The following COL28A1 variants were observed in gnomAD, a reference collection of about 807,000 sequenced individuals.
COL28A1 encodes the protein collagen type XXVIII alpha 1 chain.
COL28A1 carries 161 observed loss-of-function variants against 150.2 expected under a neutral mutation model. The observed-to-expected ratio is 1.07, with a 90% CI of 0.94 to 1.22. COL28A1 has a LOEUF of 1.22. COL28A1 is among the 50% of genes most tolerant of loss of function. The pLI, the probability that COL28A1 is intolerant of heterozygous loss-of-function variation, is 0.00. For missense variants in COL28A1, 1,617 were observed against 1,388.3 expected (o/e 1.16, Z -2.62); for synonymous variants, 552 against 469.7 (o/e 1.18, Z -2.26).
intron 27 of COL28A1, among the ~76,000 whole-genome samples, chr7:7,393,259 G>A (rs1782649413): frequency 6.6e-6 from 1 of 152,226 alleles, no homozygotes; most frequent in South Asian, 2.1e-4. Flanking sequence ...GTCCACTCCA[G>A]ACCCTGTTTG....
At chr7:7,508,768 C>T (rs1033913618) in intron 9 of COL28A1, among the ~76,000 whole-genome samples, 1 of 151,970 alleles carries the variant, frequency 6.6e-6, no homozygotes, top group Non-Finnish European at 1.5e-5. Flanking sequence ...CAGGTTCAAG[C>T]AATCCTCCCA....
chr7:7,363,816 G>A (rs1780796780), intron 33 of COL28A1, among the ~76,000 whole-genome samples: 1 of 151,828 alleles, frequency 6.6e-6, no homozygotes, highest in African/African-American at 2.4e-5. Flanking sequence ...TTATTTTGAA[G>A]ACAGAGTCTC....
chr7:7,457,324 G>T (rs533247689), intron 15 of COL28A1, among the ~76,000 whole-genome samples: 1 of 152,298 alleles, frequency 6.6e-6, no homozygotes, highest in South Asian at 2.1e-4. Flanking sequence ...AGTGGAGGTG[G>T]TGGGGAGTGC....
At chr7:7,525,871 G>T (rs982856994) in intron 3 of COL28A1, among the ~76,000 whole-genome samples, 2 of 152,112 alleles carry the variant, frequency 1.3e-5, no homozygotes, top group African/African-American at 4.8e-5. Context: ...AAAGGACAAA[G>T]TTTGACTACA....
intron 25 of COL28A1, among the ~76,000 whole-genome samples, chr7:7,421,906 C>G (rs924153394): frequency 1.3e-5 from 2 of 152,148 alleles, no homozygotes; most frequent in African/African-American, 4.8e-5. Flanking sequence ...CCTACTGACT[C>G]CCATCTTTGA....
chr7:7,444,587 C>A, intron 18 of COL28A1, 98 bp from the exon 19 acceptor site: 1 of 1,166,670 alleles, frequency 8.6e-7, no homozygotes. Context: ...GAAAAGCCTC[C>A]GAGAAATCTC....
chr7:7,388,812 G>C (rs1416112704), intron 27 of COL28A1, among the ~76,000 whole-genome samples: 4 of 152,152 alleles, frequency 2.6e-5, no homozygotes, highest in African/African-American at 9.7e-5. Flanking sequence ...CTTTTGAGAA[G>C]TGTCTGTTCA....
chr7:7,477,541 G>A (rs1019263386), intron 13 of COL28A1, among the ~76,000 whole-genome samples: 10 of 152,152 alleles, frequency 6.6e-5, no homozygotes, highest in African/African-American at 9.7e-5. Flanking sequence ...GGACCCTCGC[G>A]GTGAGTGTCA....
intron 34 of COL28A1, among the ~76,000 whole-genome samples, 174 bp from the exon 35 acceptor site, chr7:7,358,979 C>T (rs1316503280): frequency 6.7e-6 from 1 of 148,442 alleles, no homozygotes; most frequent in East Asian, 2.0e-4. Context: ...AAATATTTCC[C>T]TCACCACCTG....
intron 23 of COL28A1, among the ~76,000 whole-genome samples, chr7:7,434,628 C>T (rs1429900359): frequency 6.6e-6 from 1 of 152,194 alleles, no homozygotes; most frequent in East Asian, 1.9e-4. Context: ...CATGCAAACA[C>T]TCACAGTTTA....
At chr7:7,382,871 G>A (rs952383949) in intron 27 of COL28A1, among the ~76,000 whole-genome samples, 4 of 152,100 alleles carry the variant, frequency 2.6e-5, no homozygotes, top group East Asian at 1.9e-4. Context: ...CACTACTCCA[G>A]GAGGCATGAT....
chr7:7,494,508 G>T (rs1352226315), intron 11 of COL28A1, among the ~76,000 whole-genome samples: 1 of 152,218 alleles, frequency 6.6e-6, no homozygotes, highest in Non-Finnish European at 1.5e-5. Context: ...GCATTGTTGA[G>T]AGGATTCAAG....
At chr7:7,416,309 A>T (rs573653191) in intron 27 of COL28A1, among the ~76,000 whole-genome samples, 1 of 152,234 alleles carries the variant, frequency 6.6e-6, no homozygotes, top group Non-Finnish European at 1.5e-5. Flanking sequence ...TGAGGGCATA[A>T]GGAGAGGCAG....
chr7:7,383,791 A>G (rs1782030988), intron 27 of COL28A1, among the ~76,000 whole-genome samples: 1 of 150,878 alleles, frequency 6.6e-6, no homozygotes. Context: ...TAGCCTTCTG[A>G]TGCACATTTA....
chr7:7,478,037 G>C (rs1244283226), intron 13 of COL28A1, among the ~76,000 whole-genome samples: 1 of 152,172 alleles, frequency 6.6e-6, no homozygotes, highest in Non-Finnish European at 1.5e-5. Context: ...GCTAGACAGA[G>C]TGCTGATTGG....
At position 7,367,297 on chromosome 7, in the gene COL28A1, A is replaced by G. The variant is rs1780986746; in HGVS notation, c.3066+3428T>C. 2.6e-5 allele frequency among the ~76,000 whole-genome samples: 4 copies of G among 152,234 alleles called. No homozygotes were observed. In the South Asian group the frequency reaches 8.3e-4, roughly 31 times the overall value. On this transcript the variant is annotated intron_variant, in intron 33 of 34. Coordinates refer to ENST00000399429, the MANE Select transcript of COL28A1 (RefSeq NM_001037763.3). ...AAAATTGGCTAGCGAAACATTTCTC[A>G]GAAAGTGTCCCTGTCATTAAACGAT...
chr7:7,543,050 T>C, the COL28A1 span, among the ~76,000 whole-genome samples: 2 of 152,176 alleles, frequency 1.3e-5, no homozygotes, highest in Admixed American at 1.3e-4. Flanking sequence ...ATCAGAAATG[T>C]TATTGATAAA....
intron 10 of COL28A1, among the ~76,000 whole-genome samples, chr7:7,506,908 TAGTTA>T (rs1361725370): frequency 1.3e-5 from 2 of 152,230 alleles, no homozygotes; most frequent in African/African-American, 2.4e-5. Flanking sequence ...TAGGGAGTCT[TAGTTA>T]AGTTAATGAA....
At chr7:7,395,960 A>C (rs1477099932) in intron 27 of COL28A1, among the ~76,000 whole-genome samples, 1 of 152,214 alleles carries the variant, frequency 6.6e-6, no homozygotes, top group African/African-American at 2.4e-5. Flanking sequence ...TTAGTGGGTT[A>C]ATAACAGTTA....
Sources: allele counts gnomAD v4.1 joint callset (sites outside exome capture counted in the v4.1 genomes callset), GRCh38; gene constraint gnomAD v4.1.1; transcripts MANE v1.5; gene names NCBI Gene and HGNC (gene_info 2026-07-23, HGNC 2026-07-21).